Variants in HIBADH observed in about 807,000 individuals in gnomAD.
HIBADH encodes the protein 3-hydroxyisobutyrate dehydrogenase, also known as 3-hydroxyisobutyrate dehydrogenase, mitochondrial.
In HIBADH, 25 loss-of-function variants were observed where a neutral mutation model predicts 36.1. That is an observed-to-expected ratio of 0.69 (90% CI 0.50 to 0.97). HIBADH has a LOEUF of 0.97. HIBADH is among the 50% of genes least tolerant of loss of function. The probability of loss-of-function intolerance (pLI) is 0.00; values close to 1 mark genes in which losing one functional copy is unlikely to be tolerated. For missense variants in HIBADH, 421 were observed against 418.0 expected (o/e 1.01, Z -0.06); for synonymous variants, 160 against 149.5 (o/e 1.07, Z -0.51).
chr7:27,639,455 A>C (rs981159145), intron 2 of HIBADH, among the ~76,000 whole-genome samples: 35 of 152,148 alleles, frequency 2.3e-4, no homozygotes, highest in African/African-American at 8.2e-4. Context: ...AGGGAGGGAC[A>C]GAGGGTGAGG....
At chr7:27,581,493 C>T (rs1050347544) in intron 4 of HIBADH, among the ~76,000 whole-genome samples, 25 of 152,126 alleles carry the variant, frequency 1.6e-4, no homozygotes, top group African/African-American at 6.0e-4. Flanking sequence ...TTGAAATTCC[C>T]TTCCTTTAGA....
At chr7:27,535,706 T>C (rs1455075546) in intron 6 of HIBADH, among the ~76,000 whole-genome samples, 1 of 151,674 alleles carries the variant, frequency 6.6e-6, no homozygotes, top group Non-Finnish European at 1.5e-5. Flanking sequence ...AAAGGTCTAA[T>C]AAAAAAGGAA....
intron 4 of HIBADH, among the ~76,000 whole-genome samples, chr7:27,595,490 T>C (rs1007197471): frequency 6.6e-6 from 1 of 151,762 alleles, no homozygotes; most frequent in African/African-American, 2.4e-5. Context: ...TGAGCCTAGA[T>C]TGTGACACTG....
At chr7:27,609,639 A>G (rs1192658698) in intron 4 of HIBADH, among the ~76,000 whole-genome samples, 3 of 152,202 alleles carry the variant, frequency 2.0e-5, no homozygotes, top group Non-Finnish European at 2.9e-5. Context: ...TACTTTAATT[A>G]TAAGAGTTAC....
intron 4 of HIBADH, among the ~76,000 whole-genome samples, chr7:27,573,313 A>G (rs1784655338): frequency 6.6e-6 from 1 of 152,242 alleles, no homozygotes; most frequent in East Asian, 1.9e-4. Context: ...GCAACTGCCT[A>G]GCAATCAGAT....
chr7:27,612,481 C>CG (rs1315931558), intron 4 of HIBADH, among the ~76,000 whole-genome samples: 1 of 151,994 alleles, frequency 6.6e-6, no homozygotes, highest in East Asian at 2.0e-4. Context: ...ACTGCCACCA[C>CG]GCCCAGATAC....
In HIBADH at chr7:27,525,489, T is replaced by TATAATAATATAATAATTATC. The variant is rs1783875767; in HGVS notation, c.*705_*724dup. 6.6e-6 allele frequency: 1 copy of TATAATAATATAATAATTATC among 152,172 alleles called. No individual in the cohort carries two copies. Among genetic ancestry groups the TATAATAATATAATAATTATC allele is most frequent in the Non-Finnish European group, 1.5e-5 (1 of 68,044 alleles). The allele number at this position is 152,172 out of a possible 1,614,324, so 9.4% of individuals were successfully genotyped here. A position where few individuals can be genotyped will look rare whatever the true frequency, so the allele number is the denominator to read the frequency against. On this transcript the variant is annotated 3_prime_UTR_variant, in exon 8 of 8. Coordinates refer to ENST00000265395, the MANE Select transcript of HIBADH (RefSeq NM_152740.4). ...GAATTCAAAATAATATGGCTATATT[T>TATAATAATATAATAATTATC]ATAATAATATAATAATTATCTAAAG...
intron 4 of HIBADH, among the ~76,000 whole-genome samples, chr7:27,589,298 G>A (rs1259652554): frequency 6.6e-6 from 1 of 151,952 alleles, no homozygotes; most frequent in Non-Finnish European, 1.5e-5. Flanking sequence ...AATTTTTATA[G>A]TGAATAAAAC....
rs755226193 is a variant in HIBADH at position 27,629,334 on chromosome 7, C to G, written c.484+37G>C. On this transcript the variant is annotated intron_variant, in intron 4 of 7. Transcript: ENST00000265395. ...AACCATAATTGCTACTTTTGACAAACATAAATAGGTTTGCATATATTTTAG... is the reference window on the plus strand; with the variant it reads ...AACCATAATTGCTACTTTTGACAAAGATAAATAGGTTTGCATATATTTTAG... The G allele has an allele frequency of 9.4e-6, 15 of 1,593,772 alleles. No homozygotes were observed. The East Asian group carries it at 3.4e-4, about 36-fold the overall frequency.
At chr7:27,587,714 C>G (rs934120874) in intron 4 of HIBADH, among the ~76,000 whole-genome samples, 4 of 152,102 alleles carry the variant, frequency 2.6e-5, no homozygotes, top group African/African-American at 9.7e-5. Context: ...TCATTTTAAC[C>G]CATCAGTGAT....
chr7:27,603,683 T>C (rs1785171463), intron 4 of HIBADH, among the ~76,000 whole-genome samples: 1 of 152,164 alleles, frequency 6.6e-6, no homozygotes, highest in African/African-American at 2.4e-5. Flanking sequence ...ATAACATGTA[T>C]AAAGCCATTT....
intron 5 of HIBADH, 126 bp downstream of exon 5, chr7:27,542,841 G>A: frequency 1.9e-6 from 2 of 1,074,924 alleles, no homozygotes; most frequent in South Asian, 1.7e-5. Flanking sequence ...CCAAATAAAT[G>A]TTTTAAAATC....
chr7:27,567,244 G>A (rs1784558891), intron 4 of HIBADH, among the ~76,000 whole-genome samples: 1 of 151,994 alleles, frequency 6.6e-6, no homozygotes, highest in Non-Finnish European at 1.5e-5. Context: ...GACTGTTAGT[G>A]TCTTCTTGGT....
intron 4 of HIBADH, among the ~76,000 whole-genome samples, chr7:27,598,475 C>T (rs1562637196): frequency 6.6e-6 from 1 of 152,120 alleles, no homozygotes; most frequent in Non-Finnish European, 1.5e-5. Flanking sequence ...GAATCACAAG[C>T]ATCAATTAGA....
chr7:27,644,762 TAAA>T (rs769062186), intron 2 of HIBADH, among the ~76,000 whole-genome samples: 4 of 142,420 alleles, frequency 2.8e-5, no homozygotes, highest in Non-Finnish European at 4.6e-5. Flanking sequence ...AGACTCCATT[TAAA>T]AAAAAAAAAA....
chr7:27,526,983 C>G (rs1371933595), intron 7 of HIBADH, among the ~76,000 whole-genome samples: 1 of 152,218 alleles, frequency 6.6e-6, no homozygotes, highest in Non-Finnish European at 1.5e-5. Context: ...CAGTGAAGCA[C>G]AGACCTGGAG....
At chr7:27,605,692 T>C (rs1178507917) in intron 4 of HIBADH, among the ~76,000 whole-genome samples, 1 of 151,842 alleles carries the variant, frequency 6.6e-6, no homozygotes, top group Non-Finnish European at 1.5e-5. Context: ...TTACTTTCGT[T>C]TTAATATCAA....
intron 7 of HIBADH, 70 bp from the exon 8 acceptor site, chr7:27,526,442 T>A (rs1388415399): frequency 1.6e-6 from 2 of 1,254,746 alleles, no homozygotes; most frequent in Non-Finnish European, 2.1e-6. Context: ...TGGTTCCTTA[T>A]GTTTTGGTTT....
At chr7:27,570,311 T>C (rs2128187972) in intron 4 of HIBADH, among the ~76,000 whole-genome samples, 1 of 152,334 alleles carries the variant, frequency 6.6e-6, no homozygotes, top group South Asian at 2.1e-4. Context: ...TTCTGTTGGA[T>C]GCAAATTCTA....
Sources: gnomAD v4.1 joint callset for allele counts (sites outside exome capture counted in the v4.1 genomes callset) on GRCh38, gnomAD v4.1.1 for gene constraint, MANE v1.5 for transcripts, NCBI Gene and HGNC (gene_info 2026-07-23, HGNC 2026-07-21) for gene names.